Variants in NRG1 observed in about 807,000 individuals in gnomAD.
NRG1 encodes neuregulin 1.
A neutral mutation model predicts 63.8 loss-of-function variants in NRG1; 18 were observed. That is an observed-to-expected ratio of 0.28 (90% CI 0.19 to 0.42). NRG1 has a LOEUF of 0.42. Ranked by LOEUF, NRG1 falls within the 10% of genes least tolerant of loss-of-function variation. The pLI is 1.00. For synonymous variants in NRG1, 302 were observed against 301.3 expected (o/e 1.00, Z -0.02); for missense variants, 762 against 814.7 (o/e 0.94, Z 0.79).
chr8:31,648,124 CTTTTTTTT>C (rs36074483), intron 1 of NRG1, among the ~76,000 whole-genome samples: 1 of 51,308 alleles, frequency 1.9e-5, no homozygotes, highest in African/African-American at 9.3e-5. Flanking sequence ...TTTGACTACT[CTTTTTTTT>C]TTTTTTTTTT....
chr8:32,517,421 G>C (rs1361433709), intron 1 of NRG1, among the ~76,000 whole-genome samples: 1 of 152,054 alleles, frequency 6.6e-6, no homozygotes, highest in African/African-American at 2.4e-5. Flanking sequence ...CATGTGGGGC[G>C]GCCAGCAGAA....
intron 1 of NRG1, among the ~76,000 whole-genome samples, chr8:32,131,972 A>G (rs1427551203): frequency 1.3e-5 from 2 of 152,052 alleles, no homozygotes; most frequent in African/African-American, 4.8e-5. Context: ...GCACTAAAAG[A>G]TATATTTAAA....
At chr8:32,548,277 G>T in exon 1 of NRG1, 1 of 987,160 alleles carries the variant, frequency 1.0e-6, no homozygotes, top group Non-Finnish European at 1.2e-6. Context: ...GTGGCTGCGG[G>T]GCAATTGAAA....
intron 1 of NRG1, among the ~76,000 whole-genome samples, chr8:32,018,262 T>C (rs751244354): frequency 2.6e-5 from 4 of 152,310 alleles, no homozygotes; most frequent in Non-Finnish European, 2.9e-5. Context: ...AAGAAGAACA[T>C]CGAGGGGAAA....
chr8:32,644,684 T>A (rs1853122227), intron 5 of NRG1, among the ~76,000 whole-genome samples: 1 of 152,146 alleles, frequency 6.6e-6, no homozygotes, highest in Non-Finnish European at 1.5e-5. Context: ...AAAGAGTACT[T>A]GTGGCAGTCC....
chr8:32,743,920 A>G (rs927331067), intron 7 of NRG1, among the ~76,000 whole-genome samples: 6 of 152,098 alleles, frequency 3.9e-5, no homozygotes, highest in Non-Finnish European at 5.9e-5. Context: ...CTATTGTAGC[A>G]TGAAAACAGC....
Position 32,693,288 on chromosome 8 carries a change from G to A in NRG1, c.503-34661G>A, listed in dbSNP as rs188631697. 3.9e-3 allele frequency among the ~76,000 whole-genome samples: 589 copies of A among 149,600 alleles called. 5 individuals carry two copies. Among genetic ancestry groups the A allele is most frequent in the African/African-American group, 0.014 (550 of 40,552 alleles). On this transcript the variant is annotated intron_variant, in intron 5 of 11. Coordinates refer to ENST00000356819, the Ensembl canonical transcript of NRG1. The stretch of plus-strand genomic sequence containing the variant: ...GGCTGGAGTGCAGTGGCACAATCTC[G>A]GCGCACTGCAACCTCCGCCTTCTGG...
rs184291194 is a variant in NRG1, at chr8:32,456,641, T to C, written c.38-139187T>C. ...TTTACTGTAAGAATACGGTATAGAC[T>C]ACATATAACACACAAACTATGCATT... On this transcript the variant is annotated intron_variant, in intron 1 of 10. Transcript: ENST00000519301. Among the ~76,000 whole-genome samples the C allele has an allele frequency of 8.5e-5, 13 of 152,376 alleles. No homozygotes were observed. In the South Asian group the frequency reaches 2.5e-3, roughly 29 times the overall value.
At chr8:32,069,098 T>C (rs1452829433) in intron 1 of NRG1, among the ~76,000 whole-genome samples, 1 of 152,140 alleles carries the variant, frequency 6.6e-6, no homozygotes, top group Admixed American at 6.5e-5. Flanking sequence ...TGCTATCTCC[T>C]TGAAGGAGGG....
At position 31,866,835 on chromosome 8, in the gene NRG1, A is replaced by G. The variant is rs528476775; in HGVS notation, c.37+227404A>G. Among the ~76,000 whole-genome samples, 3 of 152,294 alleles carry G rather than the reference A, an allele frequency of 2.0e-5. No individual in the cohort carries two copies. In the East Asian group the frequency reaches 5.8e-4, roughly 29 times the overall value. ...TAGTTATAAAGTAAAATGATTTTTTAAAGTGCAGGATAAGTGAATTTTTAT... is the reference window on the plus strand; with the variant it reads ...TAGTTATAAAGTAAAATGATTTTTTGAAGTGCAGGATAAGTGAATTTTTAT... On this transcript the variant is annotated intron_variant, in intron 1 of 10. Transcript: ENST00000519301.
At chr8:32,471,150 T>C (rs753206955) in intron 1 of NRG1, among the ~76,000 whole-genome samples, 2 of 152,224 alleles carry the variant, frequency 1.3e-5, no homozygotes, top group Non-Finnish European at 2.9e-5. Flanking sequence ...CCAATTCCCT[T>C]CACTTGTCCC....
intron 1 of NRG1, among the ~76,000 whole-genome samples, chr8:31,901,600 T>A (rs1215555833): frequency 1.3e-5 from 2 of 152,160 alleles, no homozygotes; most frequent in Non-Finnish European, 2.9e-5. Context: ...TTGTACTAAA[T>A]GATCTCTGTG....
intron 1 of NRG1, among the ~76,000 whole-genome samples, chr8:32,185,871 T>C (rs1022938609): frequency 2.0e-5 from 3 of 152,230 alleles, no homozygotes; most frequent in African/African-American, 7.2e-5. Flanking sequence ...TTATAAAAGT[T>C]ACTGAGTTTA....
At chr8:31,945,598 A>G (rs867534754) in intron 1 of NRG1, among the ~76,000 whole-genome samples, 1 of 151,762 alleles carries the variant, frequency 6.6e-6, no homozygotes, top group South Asian at 2.1e-4. Context: ...TTGGGATTGA[A>G]AATAAGACTT....
intron 1 of NRG1, among the ~76,000 whole-genome samples, chr8:31,912,508 A>C (rs1228515389): frequency 6.9e-6 from 1 of 145,402 alleles, no homozygotes; most frequent in African/African-American, 2.5e-5. Context: ...TGCCTCTGAG[A>C]GTTTGGGTGT....
intron 1 of NRG1, among the ~76,000 whole-genome samples, chr8:31,723,980 T>C (rs4469409): frequency 0.97 from 147,392 of 152,158 alleles, 71,553 homozygotes; most frequent in East Asian, 1. Flanking sequence ...TCATTCTTCC[T>C]GGATTTTAGT....
chr8:32,204,216 T>A (rs1347354457), intron 1 of NRG1, among the ~76,000 whole-genome samples: 2 of 152,196 alleles, frequency 1.3e-5, no homozygotes, highest in East Asian at 3.9e-4. Flanking sequence ...CAGATTGTGT[T>A]GGGCTTTGCT....
chr8:32,540,664 C>T (rs1832490432), intron 1 of NRG1, among the ~76,000 whole-genome samples: 1 of 152,102 alleles, frequency 6.6e-6, no homozygotes, highest in African/African-American at 2.4e-5. Context: ...ATGATCCAAA[C>T]ATATTCTAGG....
chr8:32,598,383 A>G (rs1286766027), intron 2 of NRG1, among the ~76,000 whole-genome samples: 1 of 152,082 alleles, frequency 6.6e-6, no homozygotes, highest in Non-Finnish European at 1.5e-5. Flanking sequence ...AAAAAAGTGA[A>G]CTGACTAGAA....
Sources: gnomAD v4.1 joint callset for allele counts (sites outside exome capture counted in the v4.1 genomes callset) on GRCh38, gnomAD v4.1.1 for gene constraint, MANE v1.5 for transcripts, NCBI Gene and HGNC (gene_info 2026-07-23, HGNC 2026-07-21) for gene names.